Variants in PREX2 observed in about 807,000 individuals in gnomAD.
The protein encoded by PREX2 is phosphatidylinositol-3,4,5-trisphosphate dependent Rac exchange factor 2, also known as phosphatidylinositol 3,4,5-trisphosphate-dependent Rac exchanger 2 protein.
In PREX2, 107 loss-of-function variants were observed where a neutral mutation model predicts 203.2. That is an observed-to-expected ratio of 0.53 (90% CI 0.45 to 0.62). The LOEUF is 0.62. Among genes scored for constraint, PREX2 ranks in the 20% least tolerant of loss-of-function variants. The pLI, the probability that PREX2 is intolerant of heterozygous loss-of-function variation, is 0.00. For missense variants in PREX2, 1,777 were observed against 1,955.9 expected, an observed-to-expected ratio of 0.91 and a Z score of 1.72; for synonymous variants, 672 against 663.6, an observed-to-expected ratio of 1.01 and a Z score of -0.19.
In PREX2 at chr8:68,097,056, G is replaced by C. The variant is rs1810101644; in HGVS notation, c.2408G>C (p.Gly803Ala). The change falls in exon 22 of 40, where the codon GGG becomes GCG. Residue 803 changes from glycine to alanine, a missense_variant. Coordinates refer to ENST00000288368, the MANE Select transcript of PREX2 (RefSeq NM_024870.4). ...DKFNTMAIID[G>A]KKEHVSLTVD... ...TTCAACACTATGGCCATCATTGATGGGAAGAAGGAGCATGTGAGTCTGACA... is the reference window on the plus strand; with the variant it reads ...TTCAACACTATGGCCATCATTGATGCGAAGAAGGAGCATGTGAGTCTGACA... 2 of 1,613,826 alleles carry C rather than the reference G, an allele frequency of 1.2e-6. No individual in the cohort carries two copies. The highest frequency in any genetic ancestry group is 1.7e-6 in the Non-Finnish European group (2 of 1,179,846).
rs1357669036 is a variant in PREX2, at chr8:68,119,499, G to A, written c.3489G>A (p.Glu1163=). ...AGGACAAGATACATAGTTGCCTTGA[G>A]CATCTTTTCAGCCAGGTACAATCGG... is the stretch of plus-strand genomic sequence containing the variant. ...DKQDKIHSCL[E]HLFSQVDSIT... Residue 1163 remains glutamate, a synonymous_variant, in exon 28 of 40, where the codon GAG becomes GAA. Coordinates refer to ENST00000288368, the MANE Select transcript of PREX2 (RefSeq NM_024870.4). 1 of 1,613,188 alleles carries A rather than the reference G, an allele frequency of 6.2e-7. No individual in the cohort carries two copies. The highest frequency in any genetic ancestry group is 8.5e-7 in the Non-Finnish European group (1 of 1,179,400).
At chr8:68,099,025 G>A (rs1008937748) in intron 22 of PREX2, among the ~76,000 whole-genome samples, 2 of 142,912 alleles carry the variant, frequency 1.4e-5, no homozygotes, top group Non-Finnish European at 3.0e-5. Context: ...GTGATTGATG[G>A]TACACCTTCC....
At chr8:68,067,431 AT>A (rs1809050084) in intron 11 of PREX2, among the ~76,000 whole-genome samples, 1 of 151,884 alleles carries the variant, frequency 6.6e-6, no homozygotes, top group Non-Finnish European at 1.5e-5. Flanking sequence ...TTCATGGTTT[AT>A]AGTTTTCAGT....
chr8:68,077,935 GA>G (rs935820172), intron 15 of PREX2, among the ~76,000 whole-genome samples: 10 of 152,066 alleles, frequency 6.6e-5, no homozygotes, highest in Non-Finnish European at 1.3e-4. Context: ...TAGATCTCTA[GA>G]AAAAAATTAT....
chr8:68,157,662 A>G (rs902700549), intron 35 of PREX2, among the ~76,000 whole-genome samples: 1 of 152,104 alleles, frequency 6.6e-6, no homozygotes, highest in Non-Finnish European at 1.5e-5. Flanking sequence ...AAATTTAAAA[A>G]TTTCTGAAGA....
chr8:68,126,724 G>A (rs967258), intron 30 of PREX2, among the ~76,000 whole-genome samples: 81,428 of 151,720 alleles, frequency 0.54, 22,036 homozygotes, highest in African/African-American at 0.61. Flanking sequence ...ATAATTATTT[G>A]TTAGTTGGAA....
At chr8:68,077,579 A>C in intron 15 of PREX2, 110 bp downstream of exon 15, 1 of 823,304 alleles carries the variant, frequency 1.2e-6, no homozygotes, top group Non-Finnish European at 2.1e-6. Context: ...AGCCAGCAAG[A>C]CTGTCTGGGT....
chr8:68,211,825 C>G (rs892771076), intron 37 of PREX2, among the ~76,000 whole-genome samples: 2 of 152,078 alleles, frequency 1.3e-5, no homozygotes, highest in African/African-American at 4.8e-5. Context: ...AAGTAGGATA[C>G]TGGGACAAGG....
At chr8:68,038,838 C>T (rs763675498) in intron 7 of PREX2, among the ~76,000 whole-genome samples, 6 of 152,172 alleles carry the variant, frequency 3.9e-5, no homozygotes, top group Non-Finnish European at 5.9e-5. Flanking sequence ...TCAAAACTCA[C>T]ATGGATGATC....
At chr8:68,229,047 T>C (rs571112310) in intron 39 of PREX2, among the ~76,000 whole-genome samples, 11 of 151,574 alleles carry the variant, frequency 7.3e-5, no homozygotes, top group East Asian at 3.9e-4. Context: ...ATTTGTGAGA[T>C]GGGGAGAATT....
At position 68,234,765 on chromosome 8, in the gene PREX2, T is replaced by C. The variant is rs1220055471; in HGVS notation, c.*3387T>C. On this transcript the variant is annotated 3_prime_UTR_variant, in exon 40 of 40. Coordinates refer to ENST00000288368, the MANE Select transcript of PREX2 (RefSeq NM_024870.4). ...GTGGCTTGGGTTCATTGTGCATTCATTGGCCACTCTTCTTGCAGCAAATTT... is the reference window on the plus strand; with the variant it reads ...GTGGCTTGGGTTCATTGTGCATTCACTGGCCACTCTTCTTGCAGCAAATTT... 1.3e-5 allele frequency: 2 copies of C among 152,280 alleles called. No individual in the cohort carries two copies. Among genetic ancestry groups the C allele is most frequent in the South Asian group, 4.1e-4 (2 of 4,830 alleles). 9.4% of individuals were successfully genotyped at this position (152,280 alleles called of 1,614,324 possible). A position where few individuals can be genotyped will look rare whatever the true frequency, so the allele number is the denominator to read the frequency against.
intron 37 of PREX2, among the ~76,000 whole-genome samples, chr8:68,203,913 G>T (rs1812557652): frequency 6.6e-6 from 1 of 152,184 alleles, no homozygotes; most frequent in African/African-American, 2.4e-5. Context: ...AAGTATTTAT[G>T]TCATCAGAGA....
intron 23 of PREX2, chr8:68,105,526 C>T: frequency 2.6e-6 from 3 of 1,156,320 alleles, no homozygotes; most frequent in Non-Finnish European, 3.2e-6. Context: ...TCCCCGATTA[C>T]TCCATTAACA....
intron 26 of PREX2, 75 bp downstream of exon 26, chr8:68,116,007 A>G: frequency 7.4e-7 from 1 of 1,353,204 alleles, no homozygotes; most frequent in Non-Finnish European, 1.0e-6. Context: ...AAAGATCTTG[A>G]AAAAAGTTTT....
chr8:68,079,598 T>C (rs1380576794), intron 15 of PREX2, among the ~76,000 whole-genome samples: 3 of 152,142 alleles, frequency 2.0e-5, no homozygotes, highest in Non-Finnish European at 1.5e-5. Context: ...TTTTAGTCTC[T>C]GGCTTAATGA....
intron 2 of PREX2, among the ~76,000 whole-genome samples, chr8:68,018,442 G>A (rs987525771): frequency 2.0e-5 from 3 of 152,040 alleles, no homozygotes; most frequent in South Asian, 2.1e-4. Context: ...ACTCCAGCCT[G>A]GGCAACAGGA....
At chr8:68,067,759 A>T (rs1325757252) in intron 11 of PREX2, among the ~76,000 whole-genome samples, 1 of 152,084 alleles carries the variant, frequency 6.6e-6, no homozygotes, top group Admixed American at 6.6e-5. Flanking sequence ...TACTATGTTG[A>T]ACAGAAGTAG....
Position 68,048,763 on chromosome 8 carries a change from T to C in PREX2, c.943+4173T>C, listed in dbSNP as rs1189596659. Among the ~76,000 whole-genome samples, 3 of 152,038 alleles carry C rather than the reference T, an allele frequency of 2.0e-5. No individual in the cohort carries two copies. The East Asian group carries it at 5.8e-4, about 29-fold the overall frequency. ...TAAAAATGCTTGAAAATGTGAACTTTATAATTTTGTATCCTTTTTCACTTA... is the reference window on the plus strand; with the variant it reads ...TAAAAATGCTTGAAAATGTGAACTTCATAATTTTGTATCCTTTTTCACTTA... On this transcript the variant is annotated intron_variant, in intron 8 of 39. Coordinates refer to ENST00000288368, the MANE Select transcript of PREX2 (RefSeq NM_024870.4).
At chr8:68,065,883 A>T (rs1809003238) in intron 11 of PREX2, among the ~76,000 whole-genome samples, 1 of 152,210 alleles carries the variant, frequency 6.6e-6, no homozygotes, top group South Asian at 2.1e-4. Context: ...ATTTAGTAGG[A>T]GATTCCCTCC....
Sources: gnomAD v4.1 joint callset for allele counts (sites outside exome capture counted in the v4.1 genomes callset) on GRCh38, gnomAD v4.1.1 for gene constraint, MANE v1.5 for transcripts, NCBI Gene and HGNC (gene_info 2026-07-23, HGNC 2026-07-21) for gene names.